Variants in DAPK1 observed in about 807,000 individuals in gnomAD.
DAPK1 encodes death-associated protein kinase 1.
Under a neutral mutation model 144.9 loss-of-function variants are expected in DAPK1, and 56 were observed. That is an observed-to-expected ratio of 0.39 (90% CI 0.31 to 0.48). The LOEUF (loss-of-function observed/expected upper bound fraction) is 0.48, where lower values mean the gene tolerates loss of function less well. Among genes scored for constraint, DAPK1 ranks in the 20% least tolerant of loss-of-function variants. DAPK1 has a pLI of 0.95. For synonymous variants in DAPK1, 690 were observed against 749.0 expected (o/e 0.92, Z 1.29); for missense variants, 1,454 against 1,875.4 (o/e 0.78, Z 4.15).
intron 2 of DAPK1, among the ~76,000 whole-genome samples, chr9:87,514,655 A>G (rs1273386059): frequency 6.6e-6 from 1 of 152,222 alleles, no homozygotes; most frequent in Non-Finnish European, 1.5e-5. Context: ...GTTCGCATTA[A>G]TTGTTGGATT....
At chr9:87,510,163 C>G (rs1824780344) in intron 2 of DAPK1, among the ~76,000 whole-genome samples, 1 of 152,160 alleles carries the variant, frequency 6.6e-6, no homozygotes, top group Non-Finnish European at 1.5e-5. Context: ...TCCTCCCCAC[C>G]CCTTCGTTGG....
intron 19 of DAPK1, among the ~76,000 whole-genome samples, chr9:87,676,510 G>A (rs1824389677): frequency 6.6e-6 from 1 of 152,252 alleles, no homozygotes; most frequent in African/African-American, 2.4e-5. Context: ...GCAGGACGAG[G>A]GGTCATCTGC....
At chr9:87,521,984 C>T (rs1189602546) in intron 2 of DAPK1, among the ~76,000 whole-genome samples, 1 of 152,194 alleles carries the variant, frequency 6.6e-6, no homozygotes, top group East Asian at 1.9e-4. Flanking sequence ...ATTTAGTGAG[C>T]ATTTTCTTGC....
chr9:87,592,223 T>C (rs1828162877), intron 2 of DAPK1, among the ~76,000 whole-genome samples: 1 of 152,206 alleles, frequency 6.6e-6, no homozygotes, highest in South Asian at 2.1e-4. Context: ...CCCAGCCCAC[T>C]GCAGATGATG....
Position 87,648,802 on chromosome 9 carries a change from G to A in DAPK1, c.1351G>A (p.Val451Met), listed in dbSNP as rs759240509. ...KDKSGEMALH[V>M]AARYGHADVA... is the part of the protein sequence containing the mutation. The stretch of plus-strand genomic sequence containing the variant: ...GCAGTCTGGAGAGATGGCCCTCCAC[G>A]TGGCAGCTCGCTATGGCCATGCTGA... Residue 451 changes from valine to methionine, a missense_variant, in exon 15 of 26, where the codon GTG (valine) becomes ATG (methionine). This residue lies in a region of DAPK1 where 429 missense variants were observed against 637.5 expected (regional missense o/e 0.67). Transcript: ENST00000408954. The A allele has an allele frequency of 1.2e-6, 2 of 1,614,210 alleles. No homozygotes were observed. Among genetic ancestry groups the A allele is most frequent in the South Asian group, 1.1e-5 (1 of 91,080 alleles).
rs1015262452 is a variant in DAPK1, at chr9:87,665,498, C to T, written c.1924-3099C>T. 7.9e-5 allele frequency among the ~76,000 whole-genome samples: 12 copies of T among 152,192 alleles called. 1 individual carries two copies. The South Asian group carries it at 8.3e-4, about 11-fold the overall frequency. On this transcript the variant is annotated intron_variant, in intron 18 of 25. Transcript: ENST00000408954. ...AATGACTGTGCACATTCTTTCAGAT[C>T]ATCTTTTCACTGGGGATACACAAAT...
rs1369133149 is a variant in DAPK1, at chr9:87,498,016, C to A, written c.-200C>A. On this transcript the variant is annotated 5_prime_UTR_variant, in exon 1 of 26. Transcript: ENST00000408954. Reference sequence around the variant, plus strand: ...CCCCACTCACTCCCTAGCTGTGTTCCCGCCGCCGCCCCGGCTAGTCTCCGG... The same window carrying A: ...CCCCACTCACTCCCTAGCTGTGTTCACGCCGCCGCCCCGGCTAGTCTCCGG... 1 of 397,638 alleles carries A rather than the reference C, an allele frequency of 2.5e-6. No individual in the cohort carries two copies. The highest frequency in any genetic ancestry group is 2.1e-5 in the African/African-American group (1 of 48,598). 24.6% of individuals were successfully genotyped at this position (397,638 alleles called of 1,614,324 possible).
chr9:87,596,039 G>A (rs36206209), intron 2 of DAPK1, among the ~76,000 whole-genome samples: 3 of 151,218 alleles, frequency 2.0e-5, no homozygotes, highest in East Asian at 3.9e-4. Flanking sequence ...CCTCTGCCTC[G>A]TAGCTTCTTG....
At chr9:87,516,155 C>G (rs1825046362) in intron 2 of DAPK1, among the ~76,000 whole-genome samples, 1 of 152,198 alleles carries the variant, frequency 6.6e-6, no homozygotes, top group Non-Finnish European at 1.5e-5. Context: ...CGCCCCCCAG[C>G]TTCTGCCCTT....
intron 3 of DAPK1, among the ~76,000 whole-genome samples, chr9:87,634,745 G>A (rs578084619): frequency 1.8e-4 from 27 of 152,274 alleles, no homozygotes; most frequent in East Asian, 1.4e-3. Context: ...CCAGGTCACC[G>A]CTGCAGTGCC....
chr9:87,654,913 C>T (rs953949472), intron 17 of DAPK1, among the ~76,000 whole-genome samples: 1 of 152,174 alleles, frequency 6.6e-6, no homozygotes, highest in Non-Finnish European at 1.5e-5. Context: ...TTGTTAAATA[C>T]ACTCTTCAAA....
In DAPK1 at chr9:87,497,933, G is replaced by C; in HGVS notation, c.-283G>C. 1 of 396,448 alleles carries C rather than the reference G, an allele frequency of 2.5e-6. No individual in the cohort carries two copies. 24.6% of individuals were successfully genotyped at this position (396,448 alleles called of 1,614,324 possible). On this transcript the variant is annotated 5_prime_UTR_variant, in exon 1 of 26. Coordinates refer to ENST00000408954, the MANE Select transcript of DAPK1 (RefSeq NM_004938.4). ...GGGGACTTTGTTCCCTCCGCGGAGG[G>C]GACTCGGCAACTCGCAGCGGCAGGG... is the stretch of plus-strand genomic sequence containing the variant.
intron 2 of DAPK1, among the ~76,000 whole-genome samples, chr9:87,581,061 T>A (rs902443364): frequency 2.0e-5 from 3 of 152,232 alleles, no homozygotes; most frequent in African/African-American, 7.2e-5. Flanking sequence ...ATCGCGTAAC[T>A]TATCTGAGTT....
At position 87,571,466 on chromosome 9, in the gene DAPK1, C is replaced by CCA. The variant is rs1564000740; in HGVS notation, c.63-33488_63-33487insCA. Among the ~76,000 whole-genome samples the CCA allele has an allele frequency of 4.0e-4, 24 of 60,472 alleles. 1 individual carries two copies. The highest frequency in any genetic ancestry group is 3.6e-3 in the South Asian group (6 of 1,646). The allele number at this position is 60,472 out of a possible 152,430, so 39.7% of individuals were successfully genotyped here. A position where few individuals can be genotyped will look rare whatever the true frequency, so the allele number is the denominator to read the frequency against. On this transcript the variant is annotated intron_variant, in intron 2 of 25. Transcript: ENST00000408954. ...ACACACACACACACACACACACACACACACACACCAACACACACACACACA... is the reference window on the plus strand; with the variant it reads ...ACACACACACACACACACACACACACCAACACACACCAACACACACACACACA...
At chr9:87,639,240 T>C in intron 4 of DAPK1, 114 bp from the exon 5 acceptor site, 1 of 1,010,074 alleles carries the variant, frequency 9.9e-7, no homozygotes, top group Non-Finnish European at 1.4e-6. Context: ...CCAACCACCC[T>C]TTCTTCCCTA....
At chr9:87,665,067 C>G (rs1831002875) in intron 18 of DAPK1, among the ~76,000 whole-genome samples, 1 of 152,142 alleles carries the variant, frequency 6.6e-6, no homozygotes, top group African/African-American at 2.4e-5. Context: ...CTCAGGGAGG[C>G]CTTTCTGGAC....
chr9:87,550,119 G>A (rs567774560), intron 2 of DAPK1, among the ~76,000 whole-genome samples: 2 of 152,148 alleles, frequency 1.3e-5, no homozygotes, highest in Non-Finnish European at 2.9e-5. Context: ...ATGAACCCCT[G>A]TCAGGATAAT....
intron 2 of DAPK1, among the ~76,000 whole-genome samples, chr9:87,524,503 C>T (rs987466402): frequency 5.9e-5 from 9 of 152,158 alleles, no homozygotes; most frequent in Non-Finnish European, 1.2e-4. Flanking sequence ...ACAGTAGAGC[C>T]GGGGTGGGTT....
At chr9:87,659,317 C>A (rs1459012220) in intron 18 of DAPK1, among the ~76,000 whole-genome samples, 1 of 152,136 alleles carries the variant, frequency 6.6e-6, no homozygotes, top group African/African-American at 2.4e-5. Context: ...ACCTGGTCAC[C>A]CACCGCAAAC....
Sources: allele counts gnomAD v4.1 joint callset (sites outside exome capture counted in the v4.1 genomes callset), GRCh38; gene constraint gnomAD v4.1.1; regional missense constraint gnomAD v4.1.1; transcripts MANE v1.5; gene names NCBI Gene and HGNC (gene_info 2026-07-23, HGNC 2026-07-21).